SDK1: variants seen among roughly 807,000 people sequenced by gnomAD.
SDK1 encodes the protein protein sidekick-1.
A neutral mutation model predicts 245.5 loss-of-function variants in SDK1; 157 were observed. The ratio of observed to expected loss-of-function variants is 0.64; its 90% CI spans 0.56 to 0.73. The LOEUF is 0.73. Among genes scored for constraint, SDK1 ranks in the 30% least tolerant of loss-of-function variants. The pLI, the probability that SDK1 is intolerant of heterozygous loss-of-function variation, is 0.00. For missense variants in SDK1, 3,583 were observed against 3,002.3 expected, an observed-to-expected ratio of 1.19 and a Z score of -4.52; for synonymous variants, 1,647 against 1,278.5, an observed-to-expected ratio of 1.29 and a Z score of -6.15.
At chr7:3,537,290 A>G (rs1323423323) in intron 1 of SDK1, among the ~76,000 whole-genome samples, 2 of 152,190 alleles carry the variant, frequency 1.3e-5, no homozygotes, top group African/African-American at 4.8e-5. Context: ...ACTGTCTTAA[A>G]ATACCCATTG....
chr7:3,614,167 C>G (rs541817784), intron 1 of SDK1, among the ~76,000 whole-genome samples: 2 of 152,308 alleles, frequency 1.3e-5, no homozygotes, highest in Non-Finnish European at 2.9e-5. Flanking sequence ...AATGTTAAGT[C>G]TATTCCTGTC....
intron 1 of SDK1, among the ~76,000 whole-genome samples, chr7:3,363,480 G>A (rs574992520): frequency 3.9e-5 from 6 of 151,926 alleles, no homozygotes; most frequent in Non-Finnish European, 7.4e-5. Flanking sequence ...AAGTGCCTAG[G>A]AATTCAGTTG....
intron 40 of SDK1, among the ~76,000 whole-genome samples, chr7:4,228,691 C>T (rs1227121465): frequency 6.6e-6 from 1 of 152,170 alleles, no homozygotes; most frequent in Non-Finnish European, 1.5e-5. Flanking sequence ...AGGAGCGTGC[C>T]ATCATACCCA....
intron 1 of SDK1, among the ~76,000 whole-genome samples, chr7:3,495,972 C>G (rs570158509): frequency 6.6e-6 from 1 of 152,176 alleles, no homozygotes; most frequent in Non-Finnish European, 1.5e-5. Flanking sequence ...CTAGAACATA[C>G]TTATCTTTTC....
chr7:3,618,608 A>G (rs1781841046), intron 1 of SDK1, among the ~76,000 whole-genome samples: 1 of 152,260 alleles, frequency 6.6e-6, no homozygotes, highest in Non-Finnish European at 1.5e-5. Context: ...TGTGTATGAA[A>G]GGAAAGCTAG....
chr7:3,893,560 T>C (rs1781515575), intron 5 of SDK1, among the ~76,000 whole-genome samples: 1 of 151,988 alleles, frequency 6.6e-6, no homozygotes, highest in Admixed American at 6.6e-5. Context: ...AACCTCACAT[T>C]TCTCCAGCAT....
chr7:3,430,461 C>T (rs1055756726), intron 1 of SDK1, among the ~76,000 whole-genome samples: 1 of 152,166 alleles, frequency 6.6e-6, no homozygotes, highest in Non-Finnish European at 1.5e-5. Flanking sequence ...CTTCGTCCGC[C>T]TCATCTGTCT....
rs397946680 is a variant in SDK1, at chr7:3,340,782, A to AAT, written c.298+38898_298+38899insAT. Among the ~76,000 whole-genome samples, 1,103 of 149,280 alleles carry AAT rather than the reference A, an allele frequency of 7.4e-3. 16 individuals are homozygous for AAT. The highest frequency in any genetic ancestry group is 0.026 in the African/African-American group (1,033 of 39,758). On this transcript the variant is annotated intron_variant, in intron 1 of 44. Coordinates refer to ENST00000404826, the MANE Select transcript of SDK1 (RefSeq NM_152744.4). ...ACCCCGTCTCAAAAAAAAAAAAAAA[A>AAT]TCATCTATGAAGCACAATAAAGTGC...
intron 1 of SDK1, among the ~76,000 whole-genome samples, chr7:3,497,972 C>T (rs1465811311): frequency 1.3e-5 from 2 of 152,168 alleles, no homozygotes; most frequent in Non-Finnish European, 2.9e-5. Context: ...GACCTTATCA[C>T]GGAGACAGCT....
chr7:4,236,389 C>T (rs1329095431), intron 41 of SDK1, among the ~76,000 whole-genome samples: 3 of 151,930 alleles, frequency 2.0e-5, no homozygotes, highest in Admixed American at 6.6e-5. Context: ...CCTTCAAAGC[C>T]GCCTTTACAT....
chr7:3,307,673 A>C (rs1321046124), intron 1 of SDK1, among the ~76,000 whole-genome samples: 1 of 152,196 alleles, frequency 6.6e-6, no homozygotes, highest in African/African-American at 2.4e-5. Context: ...GAATGAAAGC[A>C]GTTTTTATAA....
chr7:3,683,247 C>A, intron 4 of SDK1, among the ~76,000 whole-genome samples: 1 of 151,960 alleles, frequency 6.6e-6, no homozygotes, highest in South Asian at 2.1e-4. Context: ...TGATGCTTCC[C>A]CAATGTTGAT....
chr7:3,640,724 C>T (rs1367602442), intron 3 of SDK1, among the ~76,000 whole-genome samples: 1 of 151,906 alleles, frequency 6.6e-6, no homozygotes, highest in Non-Finnish European at 1.5e-5. Flanking sequence ...GGCTCTGTCA[C>T]CCAGGCTGGA....
chr7:3,570,560 T>G (rs1178358597), intron 1 of SDK1, among the ~76,000 whole-genome samples: 2 of 152,106 alleles, frequency 1.3e-5, no homozygotes, highest in East Asian at 1.9e-4. Context: ...GGTTTCCCAT[T>G]TACTCCATTA....
At chr7:4,014,773 T>G (rs1026638816) in intron 16 of SDK1, among the ~76,000 whole-genome samples, 27 of 152,228 alleles carry the variant, frequency 1.8e-4, no homozygotes, top group African/African-American at 6.3e-4. Flanking sequence ...GATGGTCTCC[T>G]GGGCAACATA....
At chr7:3,709,691 A>G (rs1471751915) in intron 4 of SDK1, among the ~76,000 whole-genome samples, 1 of 152,200 alleles carries the variant, frequency 6.6e-6, no homozygotes, top group Non-Finnish European at 1.5e-5. Flanking sequence ...CCAATCCACC[A>G]TATTGAAAAA....
chr7:3,619,315 G>A, intron 2 of SDK1, 76 bp downstream of exon 2: 3 of 1,226,264 alleles, frequency 2.4e-6, no homozygotes, highest in South Asian at 1.5e-5. Context: ...GGTCATAATA[G>A]CACAATGAGT....
chr7:3,719,768 A>G (rs755457741), intron 4 of SDK1, among the ~76,000 whole-genome samples: 7 of 152,012 alleles, frequency 4.6e-5, no homozygotes, highest in Non-Finnish European at 1.0e-4. Context: ...CATGAGGTGA[A>G]GAGATTGAGA....
intron 14 of SDK1, among the ~76,000 whole-genome samples, chr7:3,998,581 C>G (rs1186817601): frequency 1.3e-5 from 2 of 152,120 alleles, no homozygotes; most frequent in Non-Finnish European, 2.9e-5. Context: ...GGCCCTGCCC[C>G]CTGGACAGGT....
Sources: gnomAD v4.1 joint callset for allele counts (sites outside exome capture counted in the v4.1 genomes callset) on GRCh38, gnomAD v4.1.1 for gene constraint, MANE v1.5 for transcripts, NCBI Gene and HGNC (gene_info 2026-07-23, HGNC 2026-07-21) for gene names.